PRMT3: variants seen among roughly 807,000 people sequenced by gnomAD.
PRMT3 encodes the protein protein arginine methyltransferase 3.
In PRMT3, 62 loss-of-function variants were observed where a neutral mutation model predicts 71.9. The observed-to-expected ratio is 0.86, with a 90% confidence interval of 0.70 to 1.07. The LOEUF (loss-of-function observed/expected upper bound fraction) is 1.07. PRMT3 is among the 50% of genes least tolerant of loss of function. The pLI is 0.00. For synonymous variants in PRMT3, 213 were observed against 220.4 expected (o/e 0.97, Z 0.30); for missense variants, 663 against 643.0 (o/e 1.03, Z -0.34).
chr11:20,417,774 TC>T (rs1849339878), intron 9 of PRMT3, among the ~76,000 whole-genome samples: 1 of 149,350 alleles, frequency 6.7e-6, no homozygotes, highest in Non-Finnish European at 1.5e-5. Flanking sequence ...TCTCTCTCTG[TC>T]ACACACACAC....
intron 11 of PRMT3, among the ~76,000 whole-genome samples, chr11:20,459,719 G>A (rs1850340687): frequency 6.6e-6 from 1 of 152,174 alleles, no homozygotes; most frequent in Non-Finnish European, 1.5e-5. Flanking sequence ...CAGAAAGTTA[G>A]CCACATACCT....
chr11:20,498,209 G>A (rs1851376361), intron 15 of PRMT3, among the ~76,000 whole-genome samples: 1 of 152,146 alleles, frequency 6.6e-6, no homozygotes, highest in Non-Finnish European at 1.5e-5. Context: ...CTCTAGCCTA[G>A]TCCTTGGAAG....
intron 7 of PRMT3, among the ~76,000 whole-genome samples, chr11:20,399,534 T>C (rs1848903493): frequency 6.6e-6 from 1 of 152,212 alleles, no homozygotes. Flanking sequence ...AATTTTTTTA[T>C]GTTTAGAGTA....
intron 13 of PRMT3, among the ~76,000 whole-genome samples, chr11:20,485,493 G>A (rs1160222154): frequency 6.6e-6 from 1 of 152,072 alleles, no homozygotes; most frequent in Non-Finnish European, 1.5e-5. Flanking sequence ...TTAACAAATG[G>A]AAACATTTTT....
At chr11:20,425,156 G>A (rs561685630) in intron 9 of PRMT3, among the ~76,000 whole-genome samples, 36 of 151,790 alleles carry the variant, frequency 2.4e-4, no homozygotes, top group African/African-American at 8.2e-4. Flanking sequence ...TTTTAAATGG[G>A]CAAAAGATTC....
intron 2 of PRMT3, 86 bp from the exon 3 acceptor site, chr11:20,389,658 A>T: frequency 3.6e-6 from 1 of 281,220 alleles, no homozygotes; most frequent in Non-Finnish European, 5.5e-6. Flanking sequence ...AGAGTTAAAA[A>T]AAAAAAAAAA....
intron 13 of PRMT3, among the ~76,000 whole-genome samples, chr11:20,474,813 C>T (rs1435243968): frequency 6.6e-6 from 1 of 152,190 alleles, no homozygotes; most frequent in Admixed American, 6.5e-5. Flanking sequence ...CAAGAGCACA[C>T]TTGAACAAAG....
At chr11:20,439,937 C>T (rs913904452) in intron 10 of PRMT3, among the ~76,000 whole-genome samples, 9 of 152,072 alleles carry the variant, frequency 5.9e-5, no homozygotes, top group African/African-American at 2.2e-4. Context: ...GACAAACAGA[C>T]CTGTGTAACC....
chr11:20,488,124 T>G (rs1478210425), intron 13 of PRMT3, among the ~76,000 whole-genome samples: 3 of 152,174 alleles, frequency 2.0e-5, no homozygotes, highest in Admixed American at 2.0e-4. Context: ...GCAGATTTTC[T>G]CTTGGGATAC....
At chr11:20,429,867 A>C (rs1263516182) in intron 10 of PRMT3, among the ~76,000 whole-genome samples, 1 of 152,200 alleles carries the variant, frequency 6.6e-6, no homozygotes. Context: ...AATTATTTTC[A>C]ATCATCTTTG....
At position 20,420,919 on chromosome 11, in the gene PRMT3, CTG is replaced by C. The variant is rs555194543; in HGVS notation, c.894-5845_894-5844del. 6.6e-5 allele frequency among the ~76,000 whole-genome samples: 10 copies of C among 152,090 alleles called. No homozygotes were observed. In the South Asian group the frequency reaches 1.2e-3, roughly 19 times the overall value. On this transcript the variant is annotated intron_variant, in intron 9 of 15. Transcript: ENST00000331079. Reference sequence around the variant, plus strand: ...AAGAATTGGATGTGAAAAAACAAAACTGTTTTTATGTTTATGTATGTTTATGA... The same window carrying C: ...AAGAATTGGATGTGAAAAAACAAAACTTTTTATGTTTATGTATGTTTATGA...
chr11:20,473,667 T>C (rs1160214891), intron 13 of PRMT3, among the ~76,000 whole-genome samples: 1 of 152,172 alleles, frequency 6.6e-6, no homozygotes, highest in Admixed American at 6.5e-5. Context: ...TTAGCTTCTT[T>C]ACATTGGGTT....
chr11:20,408,112 T>C (rs1209511928), intron 9 of PRMT3, 80 bp downstream of exon 9: 46 of 1,012,638 alleles, frequency 4.5e-5, no homozygotes, highest in Non-Finnish European at 6.1e-5. Flanking sequence ...CTTTAGTAGC[T>C]ATCTAAGGCA....
At chr11:20,495,086 T>C (rs998932013) in intron 15 of PRMT3, among the ~76,000 whole-genome samples, 6 of 152,018 alleles carry the variant, frequency 3.9e-5, no homozygotes, top group African/African-American at 1.4e-4. Context: ...TGGAGTGCAG[T>C]GGCACCATCT....
At chr11:20,464,978 C>T (rs1036419872) in intron 13 of PRMT3, among the ~76,000 whole-genome samples, 1 of 152,020 alleles carries the variant, frequency 6.6e-6, no homozygotes, top group African/African-American at 2.4e-5. Flanking sequence ...AGTTACCTTT[C>T]AAAAATCTAA....
In PRMT3 at chr11:20,494,148, T is replaced by C; in HGVS notation, c.1399-19T>C. On this transcript the variant is annotated intron_variant, in intron 14 of 15. Transcript: ENST00000331079. ...AAATCTTGTACTTCATCAAATACCTTTGAACTTTACCAATTCAGGTCGTGT... is the reference window on the plus strand; with the variant it reads ...AAATCTTGTACTTCATCAAATACCTCTGAACTTTACCAATTCAGGTCGTGT... 5 of 1,574,440 alleles carry C rather than the reference T, an allele frequency of 3.2e-6. No individual in the cohort carries two copies. The highest frequency in any genetic ancestry group is 4.4e-6 in the Non-Finnish European group (5 of 1,144,456).
intron 13 of PRMT3, among the ~76,000 whole-genome samples, chr11:20,488,627 GAAAT>G (rs979734449): frequency 1.3e-5 from 2 of 152,126 alleles, no homozygotes; most frequent in African/African-American, 4.8e-5. Flanking sequence ...ATGAAGAACA[GAAAT>G]GATAAATTAC....
intron 9 of PRMT3, 134 bp downstream of exon 9, chr11:20,408,166 A>C: frequency 1.8e-6 from 1 of 541,554 alleles, no homozygotes; most frequent in East Asian, 3.6e-5. Flanking sequence ...CTCCAGAATA[A>C]TAAGATTTTA....
chr11:20,419,765 C>G (rs1208855050), intron 9 of PRMT3, among the ~76,000 whole-genome samples: 9 of 152,102 alleles, frequency 5.9e-5, no homozygotes, highest in South Asian at 2.1e-4. Context: ...AAGAATCAAG[C>G]ATCATTATAT....
Sources: allele counts gnomAD v4.1 joint callset (sites outside exome capture counted in the v4.1 genomes callset), GRCh38; gene constraint gnomAD v4.1.1; transcripts MANE v1.5; gene names NCBI Gene and HGNC (gene_info 2026-07-23, HGNC 2026-07-21).